APC: variants seen among roughly 807,000 people sequenced by gnomAD.
APC encodes the protein adenomatous polyposis coli protein.
A neutral mutation model predicts 247.0 loss-of-function variants in APC; 72 were observed. The ratio of observed to expected loss-of-function variants is 0.29; its 90% CI spans 0.24 to 0.35. APC has a LOEUF of 0.35. APC is among the 10% of genes least tolerant of loss of function. APC has a pLI of 1.00. For missense variants in APC, 3,400 were observed against 3,360.7 expected (o/e 1.01, Z -0.29); for synonymous variants, 1,254 against 1,162.5 (o/e 1.08, Z -1.60).
intron 2 of APC, 177 bp downstream of exon 2, chr5:112,755,202 C>A: frequency 4.2e-6 from 2 of 473,580 alleles, no homozygotes; most frequent in Non-Finnish European, 5.5e-6. Context: ...TGAATTCATT[C>A]AGTGAATCAT....
rs17164132 is a variant in APC at position 112,817,223 on chromosome 5, C to T, written c.933+1630C>T. On this transcript the variant is annotated intron_variant, in intron 9 of 15. Coordinates refer to ENST00000257430, the MANE Select transcript of APC (RefSeq NM_000038.6). ...GAAATGAAATTCTAATATTACTAAA[C>T]GATGTATTTTCGATTAACTCGAATT... 0.1 allele frequency among the ~76,000 whole-genome samples: 15,539 copies of T among 152,126 alleles called. 1,474 individuals carry two copies. Among genetic ancestry groups the T allele is most frequent in the African/African-American group, 0.25 (10,263 of 41,462 alleles).
At chr5:112,794,396 A>C (rs1759978987) in intron 7 of APC, among the ~76,000 whole-genome samples, 1 of 152,176 alleles carries the variant, frequency 6.6e-6, no homozygotes, top group Admixed American at 6.5e-5. Context: ...AAACCTTTTA[A>C]AAGAAAATAT....
chr5:112,821,262 A>G (rs112760247), intron 10 of APC, among the ~76,000 whole-genome samples: 6 of 152,056 alleles, frequency 3.9e-5, no homozygotes, highest in African/African-American at 1.4e-4. Context: ...TTCTAGCACT[A>G]TGGGAGGCCC....
In APC at chr5:112,843,835, T is replaced by G. The variant is rs1060504875; in HGVS notation, c.8241T>G (p.Pro2747=). The G allele has an allele frequency of 6.2e-7, 1 of 1,614,088 alleles. No individual in the cohort carries two copies. Among genetic ancestry groups the G allele is most frequent in the Non-Finnish European group, 8.5e-7 (1 of 1,179,944 alleles). The part of the protein sequence containing the change: ...EIKPGQNNPV[P]VSETNESSIV... ...AACCAGGACAAAATAATCCTGTCCCTGTATCAGAGACTAATGAAAGTTCTA... is the reference window on the plus strand; with the variant it reads ...AACCAGGACAAAATAATCCTGTCCCGGTATCAGAGACTAATGAAAGTTCTA... Residue 2747 remains proline (P), a synonymous_variant, in exon 16 of 16, where the codon CCT becomes CCG. Transcript: ENST00000257430. The surrounding 1 kb of genome is among the most constrained non-coding windows in gnomAD (Gnocchi z 4.8).
rs763659488 is a variant in APC, at chr5:112,707,819, C to T, written c.102C>T (p.Val34=). The stretch of plus-strand genomic sequence containing the variant: ...GCACCGGCGGCAGCAGGAGCTGCGT[C>T]CGGCAGGAGACGAAGAGCCCGGGCG... Residue 34 remains valine, a synonymous_variant, in exon 1 of 14, where the codon GTC becomes GTT. Transcript: ENST00000507379. 3.6e-6 allele frequency: 5 copies of T among 1,370,620 alleles called. No individual in the cohort carries two copies. The highest frequency in any genetic ancestry group is 4.8e-6 in the Non-Finnish European group (5 of 1,038,790). 84.9% of individuals were successfully genotyped at this position (1,370,620 alleles called of 1,614,324 possible).
intron 1 of APC, among the ~76,000 whole-genome samples, chr5:112,749,197 C>CT (rs1270486727): frequency 1.9e-4 from 29 of 152,272 alleles, no homozygotes; most frequent in Admixed American, 1.8e-3. Flanking sequence ...TTGTATTCTG[C>CT]TTCCTGATAA....
At chr5:112,753,747 C>T (rs574682222) in intron 1 of APC, among the ~76,000 whole-genome samples, 83 of 152,226 alleles carry the variant, frequency 5.5e-4, no homozygotes, top group Admixed American at 9.8e-4. Context: ...CCAATATTGT[C>T]GTGACTAGCC....
chr5:112,769,402 G>T (rs1014555928), intron 4 of APC, among the ~76,000 whole-genome samples: 4 of 152,110 alleles, frequency 2.6e-5, no homozygotes, highest in Non-Finnish European at 5.9e-5. Flanking sequence ...AAAATTGCTT[G>T]ATGTATGGAA....
Position 112,838,045 on chromosome 5 carries a change from C to T in APC, c.2451C>T (p.Gly817=), listed in dbSNP as rs1169381951. The T allele has an allele frequency of 6.2e-7, 1 of 1,614,116 alleles. No individual in the cohort carries two copies. The highest frequency in any genetic ancestry group is 8.5e-7 in the Non-Finnish European group (1 of 1,180,000). ...DDNRSDNFNT[G]NMTVLSPYLN... is the part of the protein sequence containing the mutation. Reference sequence around the variant, plus strand: ...ATAGGTCAGACAATTTTAATACTGGCAACATGACTGTCCTTTCACCATATT... The same window carrying T: ...ATAGGTCAGACAATTTTAATACTGGTAACATGACTGTCCTTTCACCATATT... Residue 817 remains glycine, a synonymous_variant, in exon 16 of 16, where the codon GGC becomes GGT. Transcript: ENST00000257430.
intron 6 of APC, among the ~76,000 whole-genome samples, chr5:112,788,630 A>T (rs1019922733): frequency 3.5e-4 from 53 of 152,206 alleles, no homozygotes; most frequent in African/African-American, 1.2e-3. Context: ...CTATTCATTT[A>T]GGCTTTATTT....
At chr5:112,791,378 G>A (rs937584814) in intron 6 of APC, among the ~76,000 whole-genome samples, 4 of 152,164 alleles carry the variant, frequency 2.6e-5, no homozygotes, top group African/African-American at 9.7e-5. Context: ...AAGTAACTTT[G>A]GGGAAGAGTT....
intron 2 of APC, 96 bp from the exon 3 acceptor site, chr5:112,766,230 A>AT: frequency 2.3e-6 from 2 of 873,578 alleles, no homozygotes; most frequent in Non-Finnish European, 3.8e-6. Context: ...AGTGATCTGA[A>AT]TTTTTTTCTC....
chr5:112,779,738 A>G (rs1580376137), intron 5 of APC, among the ~76,000 whole-genome samples: 1 of 152,110 alleles, frequency 6.6e-6, no homozygotes, highest in African/African-American at 2.4e-5. Flanking sequence ...GCTCAGTAGG[A>G]ATAAGAAATA....
At chr5:112,816,077 C>T (rs539543604) in intron 9 of APC, among the ~76,000 whole-genome samples, 17 of 152,350 alleles carry the variant, frequency 1.1e-4, no homozygotes, top group African/African-American at 3.4e-4. Flanking sequence ...CAAACTGGCT[C>T]ACTTCCTGCT....
chr5:112,839,518 A>G lies in APC; in HGVS notation c.3924A>G (p.Lys1308=). Reference sequence around the variant, plus strand: ...ATACCCTGCAAATAGCAGAAATAAAAGAAAAGATTGGAACTAGGTCAGCTG... The same window carrying G: ...ATACCCTGCAAATAGCAGAAATAAAGGAAAAGATTGGAACTAGGTCAGCTG... ...SANTLQIAEI[K]EKIGTRSAED... is the part of the protein sequence containing the mutation. The change falls in exon 16 of 16, where the codon AAA becomes AAG. Residue 1308 remains lysine, a synonymous_variant. Coordinates refer to ENST00000257430, the MANE Select transcript of APC (RefSeq NM_000038.6). This position sits in a 1 kb window ranked among gnomAD's most constrained non-coding sequence, Gnocchi z 5.0. 1 of 1,614,200 alleles carries G rather than the reference A, an allele frequency of 6.2e-7. No homozygotes were observed. The highest frequency in any genetic ancestry group is 8.5e-7 in the Non-Finnish European group (1 of 1,180,010).
chr5:112,830,581 C>T (rs189213214), intron 14 of APC, among the ~76,000 whole-genome samples: 2 of 151,714 alleles, frequency 1.3e-5, no homozygotes, highest in Admixed American at 6.5e-5. Context: ...AGTGCTGACA[C>T]GAAGACTTAC....
At chr5:112,793,792 C>G (rs1231076949) in intron 7 of APC, among the ~76,000 whole-genome samples, 1 of 152,102 alleles carries the variant, frequency 6.6e-6, no homozygotes, top group Non-Finnish European at 1.5e-5. Context: ...AAAAATTGGT[C>G]TCTCCAGTAT....
chr5:112,826,730 T>G (rs575872165), intron 11 of APC, among the ~76,000 whole-genome samples: 3 of 151,988 alleles, frequency 2.0e-5, no homozygotes, highest in Non-Finnish European at 4.4e-5. Context: ...AGAGTGTTTA[T>G]AAAGCCCTAA....
chr5:112,719,379 G>A (rs954353808), intron 1 of APC, among the ~76,000 whole-genome samples: 4 of 151,330 alleles, frequency 2.6e-5, no homozygotes, highest in Non-Finnish European at 4.4e-5. Context: ...CACCACGCCC[G>A]GCTAATTTTT....
Sources: allele counts gnomAD v4.1 joint callset (sites outside exome capture counted in the v4.1 genomes callset), GRCh38; gene constraint gnomAD v4.1.1; non-coding constraint Gnocchi (gnomAD v3.1); transcripts MANE v1.5; gene names NCBI Gene and HGNC (gene_info 2026-07-23, HGNC 2026-07-21).